The following CLCA2 variants were observed in gnomAD, a reference collection of about 807,000 sequenced individuals.
CLCA2 encodes calcium-activated chloride channel regulator 2.
Under a neutral mutation model 82.9 loss-of-function variants are expected in CLCA2, and 85 were observed. The observed-to-expected ratio is 1.03, with a 90% CI of 0.86 to 1.23. The LOEUF is 1.23. Among genes scored for constraint, CLCA2 ranks in the 50% most tolerant of loss-of-function variants. CLCA2 has a pLI of 0.00. For synonymous variants in CLCA2, 421 were observed against 391.7 expected, an observed-to-expected ratio of 1.07 and a Z score of -0.88; for missense variants, 1,089 against 1,124.8, an observed-to-expected ratio of 0.97 and a Z score of 0.45.
At chr1:86,432,310 CAAGAAACAT>C (rs1662516657) in intron 4 of CLCA2, 50 bp from the exon 5 acceptor site, 2 of 1,561,454 alleles carry the variant, frequency 1.3e-6, no homozygotes, top group Admixed American at 3.7e-5. Flanking sequence ...AGCTAGTCAA[CAAGAAACAT>C]AAGTGTTTCT....
At chr1:86,451,486 A>G (rs1039993326) in intron 12 of CLCA2, among the ~76,000 whole-genome samples, 1 of 152,154 alleles carries the variant, frequency 6.6e-6, no homozygotes, top group African/African-American at 2.4e-5. Context: ...TTTACTTTTC[A>G]GTCCTCATTC....
chr1:86,436,558 T>C (rs1662613274), intron 6 of CLCA2, among the ~76,000 whole-genome samples: 2 of 152,218 alleles, frequency 1.3e-5, no homozygotes, highest in Non-Finnish European at 2.9e-5. Context: ...AAGGAGAGAA[T>C]TTATCCCCTT....
Position 86,439,013 on chromosome 1 carries a change from T to C in CLCA2, c.1110T>C (p.Asn370=), listed in dbSNP as rs941570059. ...IRAQLHQINS[N]DDRKLLVSYL... ...CCCAGCTACACCAAATTAACAGCAA[T>C]GATGATCGAAAGTTGCTGGTTTCAT... The change falls in exon 7 of 14, where the codon AAT becomes AAC. Residue 370 remains asparagine (N), a synonymous_variant. Coordinates refer to ENST00000370565, the MANE Select transcript of CLCA2 (RefSeq NM_006536.7). 38 of 1,613,990 alleles carry C rather than the reference T, an allele frequency of 2.4e-5. No homozygotes were observed. The highest frequency in any genetic ancestry group is 3.1e-5 in the Non-Finnish European group (36 of 1,180,012).
intron 5 of CLCA2, among the ~76,000 whole-genome samples, chr1:86,432,900 T>A (rs1662529671): frequency 6.6e-6 from 1 of 152,226 alleles, no homozygotes; most frequent in African/African-American, 2.4e-5. Flanking sequence ...GTATTTGAAA[T>A]GCCTTTCCTC....
chr1:86,452,867 A>G (rs1210152956), intron 12 of CLCA2, among the ~76,000 whole-genome samples: 3 of 152,162 alleles, frequency 2.0e-5, no homozygotes, highest in Non-Finnish European at 2.9e-5. Context: ...TTGGCACAGC[A>G]TATGCCCTCC....
rs988900376 is a variant in CLCA2 at position 86,453,735 on chromosome 1, T to C, written c.2389+133T>C. ...TCTGAGTTGCTGATCAGGCTTTAAA[T>C]CCTGGAGTCCCAGAAGGACAGTGTG... On this transcript the variant is annotated intron_variant, in intron 13 of 13. Transcript: ENST00000370565. 6.4e-6 allele frequency: 5 copies of C among 784,526 alleles called. No individual in the cohort carries two copies. The East Asian group carries it at 1.1e-4, about 17-fold the overall frequency. The allele number at this position is 784,526 out of a possible 1,614,324, so 48.6% of individuals were successfully genotyped here.
At chr1:86,444,388 T>A (rs1251996596) in intron 10 of CLCA2, among the ~76,000 whole-genome samples, 10 of 152,198 alleles carry the variant, frequency 6.6e-5, no homozygotes, top group Non-Finnish European at 8.8e-5. Context: ...GTTTTTAGCA[T>A]CTACTGGGTG....
chr1:86,431,409 G>T lies in CLCA2; in HGVS notation c.584+439G>T, dbSNP rs552099735. ...TAATTTATTCAACCAGTCTCCTCTT[G>T]GTGGACACACAGGTTGTTTCCCATC... On this transcript the variant is annotated intron_variant, in intron 4 of 13. Coordinates refer to ENST00000370565, the MANE Select transcript of CLCA2 (RefSeq NM_006536.7). Among the ~76,000 whole-genome samples, 9 of 152,150 alleles carry T rather than the reference G, an allele frequency of 5.9e-5. No homozygotes were observed. In the South Asian group the frequency reaches 8.3e-4, roughly 14 times the overall value.
In CLCA2 at chr1:86,425,341, A is replaced by C. The variant is rs897669169; in HGVS notation, c.189A>C (p.Glu63Asp). 9 of 1,553,986 alleles carry C rather than the reference A, an allele frequency of 5.8e-6. No homozygotes were observed. The highest frequency in any genetic ancestry group is 6.9e-6 in the Non-Finnish European group (8 of 1,153,032). ...ENQNLISNIK[E>D]MITEASFYLF... ...GTTTTTCTTTTGTCTGGCTGTAGGAAATGATAACTGAAGCTTCATTTTACC... is the reference window on the plus strand; with the variant it reads ...GTTTTTCTTTTGTCTGGCTGTAGGACATGATAACTGAAGCTTCATTTTACC... Residue 63 changes from glutamate to aspartate, a missense_variant and splice_region_variant, in exon 2 of 14, where the codon GAA becomes GAC. Glu to Asp is a conservative substitution (Grantham distance 45). Coordinates refer to ENST00000370565, the MANE Select transcript of CLCA2 (RefSeq NM_006536.7).
rs1558103073 is a variant in CLCA2, at chr1:86,430,882, T to C, written c.496T>C (p.Trp166Arg). The C allele has an allele frequency of 1.9e-6, 3 of 1,613,414 alleles. No individual in the cohort carries two copies. The highest frequency in any genetic ancestry group is 1.7e-6 in the Non-Finnish European group (2 of 1,179,788). The change falls in exon 4 of 14, where the codon TGG (tryptophan) becomes CGG (arginine). Residue 166 changes from tryptophan to arginine, a missense_variant. Transcript: ENST00000370565. Reference sequence around the variant, plus strand: ...CGCAGGCCGAGTGTTTGTCCATGAATGGGCCCACCTCCGTTGGGGTGTGTT... The same window carrying C: ...CGCAGGCCGAGTGTTTGTCCATGAACGGGCCCACCTCCGTTGGGGTGTGTT... The part of the protein sequence containing the change: ...GSRGRVFVHE[W>R]AHLRWGVFDE...
chr1:86,435,754 A>G (rs1662593975), intron 6 of CLCA2, among the ~76,000 whole-genome samples: 1 of 152,242 alleles, frequency 6.6e-6, no homozygotes, highest in South Asian at 2.1e-4. Flanking sequence ...TAACAATTAA[A>G]TGATATAAGC....
rs199642068 is a variant in CLCA2 at position 86,432,365 on chromosome 1, T to G, written c.585-4T>G. ...TAATTCCCAGTTTCTCTTTCCATTT[T>G]TAGGTGTTCATCTGACATCACAGGC... is the stretch of plus-strand genomic sequence containing the variant. On this transcript the variant is annotated splice_region_variant and splice_polypyrimidine_tract_variant and intron_variant, in intron 4 of 13. Transcript: ENST00000370565. The G allele has an allele frequency of 1.5e-3, 2,338 of 1,612,406 alleles. 7 individuals are homozygous for G. The highest frequency in any genetic ancestry group is 1.4e-3 in the Non-Finnish European group (1,636 of 1,179,650).
Position 86,450,639 on chromosome 1 carries a change from G to A in CLCA2, c.2061G>A (p.Leu687=). ...FSFAANGRYS[L]KVHVNHSPSI... is the part of the protein sequence containing the mutation. Reference sequence around the variant, plus strand: ...TTGCTGCAAATGGTAGATATAGCTTGAAAGTGCATGTCAATCACTCTCCCA... The same window carrying A: ...TTGCTGCAAATGGTAGATATAGCTTAAAAGTGCATGTCAATCACTCTCCCA... Residue 687 remains leucine (L), a synonymous_variant, in exon 12 of 14, where the codon TTG becomes TTA. Transcript: ENST00000370565. 1 of 1,613,454 alleles carries A rather than the reference G, an allele frequency of 6.2e-7. No homozygotes were observed. Among genetic ancestry groups the A allele is most frequent in the Non-Finnish European group, 8.5e-7 (1 of 1,179,626 alleles).
rs756037284 is a variant in CLCA2, at chr1:86,452,840, T to A, written c.2156-529T>A. On this transcript the variant is annotated intron_variant, in intron 12 of 13. Transcript: ENST00000370565. ...TGACTATAAATTCCATGAGGGATACTGTTTTGTCTGTAATTATTGGCACAG... is the reference window on the plus strand; with the variant it reads ...TGACTATAAATTCCATGAGGGATACAGTTTTGTCTGTAATTATTGGCACAG... 2.6e-4 allele frequency among the ~76,000 whole-genome samples: 39 copies of A among 152,210 alleles called. 1 individual carries two copies. The highest frequency in any genetic ancestry group is 3.2e-4 in the Non-Finnish European group (22 of 68,032).
rs1475501261 is a variant in CLCA2 at position 86,425,331 on chromosome 1, G to A, written c.187-8G>A. Reference sequence around the variant, plus strand: ...GGTAAAGTAAGTTTTTCTTTTGTCTGGCTGTAGGAAATGATAACTGAAGCT... The same window carrying A: ...GGTAAAGTAAGTTTTTCTTTTGTCTAGCTGTAGGAAATGATAACTGAAGCT... On this transcript the variant is annotated splice_polypyrimidine_tract_variant and splice_region_variant and intron_variant, in intron 1 of 13. Coordinates refer to ENST00000370565, the MANE Select transcript of CLCA2 (RefSeq NM_006536.7). 6.5e-7 allele frequency: 1 copy of A among 1,545,248 alleles called. No individual in the cohort carries two copies. Among genetic ancestry groups the A allele is most frequent in the African/African-American group, 1.4e-5 (1 of 71,886 alleles).
chr1:86,439,295 G>A (rs1022515869), intron 7 of CLCA2, among the ~76,000 whole-genome samples, 189 bp downstream of exon 7: 1 of 152,206 alleles, frequency 6.6e-6, no homozygotes. Context: ...CTTGTGCCTA[G>A]CAAAGTACAT....
At chr1:86,450,784 C>T in intron 12 of CLCA2, 51 bp downstream of exon 12, 1 of 1,475,404 alleles carries the variant, frequency 6.8e-7, no homozygotes, top group Middle Eastern at 1.8e-4. Flanking sequence ...ATGTACATAT[C>T]TCTGATGGGT....
chr1:86,436,079 G>A (rs1337016625), intron 6 of CLCA2, among the ~76,000 whole-genome samples: 2 of 152,202 alleles, frequency 1.3e-5, no homozygotes, highest in African/African-American at 4.8e-5. Flanking sequence ...CAGTAGCAGA[G>A]TTGGGGAGTT....
At chr1:86,451,499 C>T (rs1394281989) in intron 12 of CLCA2, among the ~76,000 whole-genome samples, 3 of 152,068 alleles carry the variant, frequency 2.0e-5, no homozygotes, top group African/African-American at 7.2e-5. Context: ...CCTCATTCTT[C>T]CTGACCTCAC....
Sources: gnomAD v4.1 joint callset for allele counts (sites outside exome capture counted in the v4.1 genomes callset) on GRCh38, gnomAD v4.1.1 for gene constraint, MANE v1.5 for transcripts, NCBI Gene and HGNC (gene_info 2026-07-23, HGNC 2026-07-21) for gene names.